The following VPS8 variants were observed in gnomAD, a reference collection of about 807,000 sequenced individuals.
VPS8 encodes vacuolar protein sorting-associated protein 8 homolog.
A neutral mutation model predicts 216.4 loss-of-function variants in VPS8; 129 were observed. The ratio of observed to expected loss-of-function variants is 0.60; its 90% CI spans 0.52 to 0.69. The LOEUF is 0.69. Ranked by LOEUF, VPS8 falls within the 30% of genes least tolerant of loss-of-function variation. The pLI is 0.00. For missense variants in VPS8, 1,531 were observed against 1,683.5 expected, an observed-to-expected ratio of 0.91 and a Z score of 1.59; for synonymous variants, 571 against 565.4, an observed-to-expected ratio of 1.01 and a Z score of -0.14.
At chr3:184,986,125 G>A (rs1163558051) in intron 42 of VPS8, among the ~76,000 whole-genome samples, 1 of 152,142 alleles carries the variant, frequency 6.6e-6, no homozygotes, top group Non-Finnish European at 1.5e-5. Flanking sequence ...GTATATACCT[G>A]AAACAGAGTA....
intron 46 of VPS8, among the ~76,000 whole-genome samples, chr3:185,039,692 A>G (rs1759379695): frequency 1.3e-5 from 2 of 152,124 alleles, no homozygotes; most frequent in African/African-American, 4.8e-5. Context: ...AGAAGAAAAG[A>G]GAAGGTCTGG....
At chr3:184,890,891 A>ATT (rs1205363481) in intron 22 of VPS8, among the ~76,000 whole-genome samples, 1 of 151,710 alleles carries the variant, frequency 6.6e-6, no homozygotes, top group Admixed American at 6.6e-5. Flanking sequence ...TTTTTTCAGT[A>ATT]TTAGACAAAA....
chr3:184,983,064 C>T lies in VPS8; in HGVS notation c.3555C>T (p.Ala1185=), dbSNP rs1357186919. ...TAAATAGCATGGCAGCATTTATTGC[C>T]CTTCCATCAATCTTGCAAAGAATCT... ...QVLNSMAAFI[A]LPSILQRILQ... Residue 1185 remains alanine (A), a synonymous_variant, in exon 42 of 48, where the codon GCC becomes GCT. Transcript: ENST00000625842. The T allele has an allele frequency of 6.2e-7, 1 of 1,608,316 alleles. No individual in the cohort carries two copies. Among genetic ancestry groups the T allele is most frequent in the Non-Finnish European group, 8.5e-7 (1 of 1,176,898 alleles).
chr3:184,922,820 T>A (rs1738875869), intron 29 of VPS8, among the ~76,000 whole-genome samples: 1 of 152,052 alleles, frequency 6.6e-6, no homozygotes, highest in African/African-American at 2.4e-5. Context: ...AATTTGTGAC[T>A]TTTTACATTG....
intron 7 of VPS8, among the ~76,000 whole-genome samples, chr3:184,841,750 G>A (rs548072836): frequency 5.7e-4 from 87 of 152,212 alleles, no homozygotes; most frequent in Middle Eastern, 6.8e-3. Context: ...AAACTTACGA[G>A]GTCATTTAGT....
At chr3:184,813,238 G>T (rs1432657491) in intron 1 of VPS8, among the ~76,000 whole-genome samples, 1 of 152,080 alleles carries the variant, frequency 6.6e-6, no homozygotes, top group Non-Finnish European at 1.5e-5. Flanking sequence ...GAATGAATAG[G>T]AAGGCTTCTG....
At chr3:184,875,237 G>T (rs1302025539) in intron 21 of VPS8, among the ~76,000 whole-genome samples, 1 of 151,864 alleles carries the variant, frequency 6.6e-6, no homozygotes, top group Non-Finnish European at 1.5e-5. Flanking sequence ...GGCACCTCCT[G>T]CCTGCTGCCT....
At chr3:184,961,532 G>A (rs1002224694) in intron 37 of VPS8, among the ~76,000 whole-genome samples, 1 of 152,008 alleles carries the variant, frequency 6.6e-6, no homozygotes, top group African/African-American at 2.4e-5. Context: ...ATTAAAAGTA[G>A]AGCACCCATT....
rs114706852 is a variant in VPS8 at position 184,852,354 on chromosome 3, A to G, written c.754-146A>G. On this transcript the variant is annotated intron_variant, in intron 10 of 47. Transcript: ENST00000625842. ...TAAATAAAGGTAAGTTTGTAAGTTTAGAGTGATGAGCACTGAATCTAGTTT... is the reference window on the plus strand; with the variant it reads ...TAAATAAAGGTAAGTTTGTAAGTTTGGAGTGATGAGCACTGAATCTAGTTT... The G allele has an allele frequency of 6.7e-3, 4,104 of 613,694 alleles. 87 individuals are homozygous for G. The highest frequency in any genetic ancestry group is 0.053 in the African/African-American group (2,855 of 53,976). 38.0% of individuals were successfully genotyped at this position (613,694 alleles called of 1,614,324 possible).
rs201528153 is a variant in VPS8 at position 185,051,993 on chromosome 3, C to T, written c.4255C>T (p.Gln1419Ter). Residue 1419 changes from glutamine (Q) to a stop codon, truncating the protein, a stop_gained, in exon 48 of 48, where the codon CAG becomes TAG. Transcript: ENST00000625842. LOFTEE classifies it high-confidence loss of function. ...SIFQNENFQL[Q>*]LIPPPVTED ...CTTCCAGAATGAGAACTTCCAGCTG[C>T]AGCTCATTCCTCCACCTGTGACTGA... 1 of 1,613,322 alleles carries T rather than the reference C, an allele frequency of 6.2e-7. No individual in the cohort carries two copies. Among genetic ancestry groups the T allele is most frequent in the South Asian group, 1.1e-5 (1 of 90,888 alleles).
intron 25 of VPS8, among the ~76,000 whole-genome samples, chr3:184,906,655 T>C (rs1241739004): frequency 1.3e-5 from 2 of 151,962 alleles, no homozygotes; most frequent in Non-Finnish European, 2.9e-5. Context: ...TTTTAAGGGG[T>C]CGTAAATGAT....
intron 36 of VPS8, among the ~76,000 whole-genome samples, chr3:184,944,116 T>G (rs1313105355): frequency 6.6e-6 from 1 of 152,200 alleles, no homozygotes; most frequent in Non-Finnish European, 1.5e-5. Context: ...TTTTATTTTG[T>G]CAACAGCATT....
At chr3:184,936,933 T>C (rs186008117) in intron 35 of VPS8, among the ~76,000 whole-genome samples, 1 of 152,084 alleles carries the variant, frequency 6.6e-6, no homozygotes, top group Non-Finnish European at 1.5e-5. Flanking sequence ...AGAGACAGGG[T>C]TTCACCATGT....
In VPS8 at chr3:185,008,431, A is replaced by G. The variant is rs1449496730; in HGVS notation, c.4002+8570A>G. Among the ~76,000 whole-genome samples, 3 of 152,244 alleles carry G rather than the reference A, an allele frequency of 2.0e-5. 1 individual carries two copies. Among genetic ancestry groups the G allele is most frequent in the African/African-American group, 7.2e-5 (3 of 41,458 alleles). On this transcript the variant is annotated intron_variant, in intron 45 of 47. Coordinates refer to ENST00000625842, the MANE Select transcript of VPS8 (RefSeq NM_001009921.3). ...AGTTCCCACTATCATGTATCTTGCC[A>G]TCTAGTAAGGGAGCTAGACATAAAT...
intron 36 of VPS8, among the ~76,000 whole-genome samples, chr3:184,956,644 C>T (rs1329430969): frequency 6.6e-6 from 1 of 152,182 alleles, no homozygotes; most frequent in Admixed American, 6.5e-5. Context: ...TCCTAAGCAG[C>T]TACTTTCGGC....
At chr3:184,873,185 GA>G (rs1560476683) in intron 21 of VPS8, among the ~76,000 whole-genome samples, 1 of 152,132 alleles carries the variant, frequency 6.6e-6, no homozygotes, top group Non-Finnish European at 1.5e-5. Flanking sequence ...TATAGATGAG[GA>G]AACAGGCTTA....
intron 16 of VPS8, among the ~76,000 whole-genome samples, chr3:184,863,568 G>A (rs1253861643): frequency 6.6e-6 from 1 of 152,150 alleles, no homozygotes; most frequent in Admixed American, 6.5e-5. Context: ...TCTAGAAATA[G>A]GTGATAGATG....
intron 22 of VPS8, among the ~76,000 whole-genome samples, chr3:184,893,955 G>A (rs1419092595): frequency 3.3e-5 from 5 of 152,222 alleles, no homozygotes; most frequent in East Asian, 3.9e-4. Context: ...ACAGAATTCC[G>A]AATTCTGTCT....
intron 36 of VPS8, among the ~76,000 whole-genome samples, chr3:184,954,769 T>A (rs1406503799): frequency 1.3e-5 from 2 of 152,140 alleles, no homozygotes; most frequent in African/African-American, 4.8e-5. Flanking sequence ...GGCAAGAGAC[T>A]GAAGGCACAA....
Sources: gnomAD v4.1 joint callset for allele counts (sites outside exome capture counted in the v4.1 genomes callset) on GRCh38, gnomAD v4.1.1 for gene constraint, MANE v1.5 for transcripts, NCBI Gene and HGNC (gene_info 2026-07-23, HGNC 2026-07-21) for gene names.